GRID2: variants seen among roughly 807,000 people sequenced by gnomAD.
GRID2 encodes the protein glutamate ionotropic receptor delta type subunit 2.
GRID2 carries 33 observed loss-of-function variants against 114.8 expected under a neutral mutation model. The observed-to-expected ratio is 0.29, with a 90% CI of 0.22 to 0.38. The LOEUF (loss-of-function observed/expected upper bound fraction) is 0.38. Among genes scored for constraint, GRID2 ranks in the 10% least tolerant of loss-of-function variants. GRID2 has a pLI of 1.00. For synonymous variants in GRID2, 505 were observed against 449.9 expected, an observed-to-expected ratio of 1.12 and a Z score of -1.55; for missense variants, 1,184 against 1,257.7, an observed-to-expected ratio of 0.94 and a Z score of 0.89.
intron 2 of GRID2, among the ~76,000 whole-genome samples, chr4:92,700,993 C>CA (rs781142253): frequency 0.025 from 2,129 of 83,618 alleles, 36 homozygotes; most frequent in African/African-American, 0.048. Flanking sequence ...GACTCCATCT[C>CA]AAAAAAAAAA....
chr4:93,242,310 G>A (rs951724882), intron 8 of GRID2, among the ~76,000 whole-genome samples: 5 of 87,736 alleles, frequency 5.7e-5, no homozygotes, highest in African/African-American at 2.3e-4. Context: ...TTGAAGAAAT[G>A]CCAGGGAGGG....
At chr4:92,580,847 A>G (rs575177736) in intron 1 of GRID2, among the ~76,000 whole-genome samples, 83 of 151,896 alleles carry the variant, frequency 5.5e-4, no homozygotes, top group African/African-American at 1.9e-3. Flanking sequence ...TTTCTCCATG[A>G]ACATACTTTT....
intron 2 of GRID2, among the ~76,000 whole-genome samples, chr4:92,733,155 G>A (rs1432229315): frequency 6.6e-6 from 1 of 152,030 alleles, no homozygotes; most frequent in African/African-American, 2.4e-5. Flanking sequence ...GGTGTAAAGA[G>A]ACAAGAGAAA....
chr4:92,916,898 A>C (rs553198978), intron 2 of GRID2, among the ~76,000 whole-genome samples: 1 of 152,118 alleles, frequency 6.6e-6, no homozygotes, highest in Non-Finnish European at 1.5e-5. Context: ...GGCTGGGTCA[A>C]ATGGTAATTC....
At chr4:93,567,052 C>A (rs529919762) in intron 13 of GRID2, among the ~76,000 whole-genome samples, 1 of 152,230 alleles carries the variant, frequency 6.6e-6, no homozygotes, top group African/African-American at 2.4e-5. Context: ...GCCCCCTTCT[C>A]CACCTTCCCT....
intron 8 of GRID2, among the ~76,000 whole-genome samples, chr4:93,344,172 T>C (rs1271783201): frequency 6.6e-6 from 1 of 152,054 alleles, no homozygotes; most frequent in Non-Finnish European, 1.5e-5. Context: ...TTCACCCTGA[T>C]AGCCCTTACA....
At chr4:92,873,234 A>G (rs1189183354) in intron 2 of GRID2, among the ~76,000 whole-genome samples, 1 of 152,132 alleles carries the variant, frequency 6.6e-6, no homozygotes, top group Non-Finnish European at 1.5e-5. Flanking sequence ...AAGCTCTTCA[A>G]TTCTATTATG....
At chr4:93,104,931 A>C (rs567506396) in intron 3 of GRID2, among the ~76,000 whole-genome samples, 11 of 152,084 alleles carry the variant, frequency 7.2e-5, no homozygotes, top group East Asian at 3.9e-4. Context: ...CCAACAGTGT[A>C]AAAGTGTTCC....
intron 1 of GRID2, among the ~76,000 whole-genome samples, chr4:92,465,470 A>G (rs1418656577): frequency 5.9e-5 from 9 of 152,048 alleles, no homozygotes; most frequent in Admixed American, 5.9e-4. Context: ...ATATTATGGA[A>G]CTCATTACAA....
intron 4 of GRID2, among the ~76,000 whole-genome samples, chr4:93,167,589 A>G (rs1738376262): frequency 6.6e-6 from 1 of 152,164 alleles, no homozygotes; most frequent in African/African-American, 2.4e-5. Context: ...AAGAAAGGAA[A>G]TAAAAGAGTA....
At chr4:92,354,506 T>C (rs1728223507) in intron 1 of GRID2, among the ~76,000 whole-genome samples, 1 of 152,026 alleles carries the variant, frequency 6.6e-6, no homozygotes, top group African/African-American at 2.4e-5. Context: ...GAATTTCTGG[T>C]ATTCTTTCAT....
chr4:93,166,790 C>G (rs1448842475), intron 4 of GRID2, among the ~76,000 whole-genome samples: 1 of 152,054 alleles, frequency 6.6e-6, no homozygotes, highest in African/African-American at 2.4e-5. Flanking sequence ...TCTTGTCTGT[C>G]TCCTTGAAAT....
At chr4:92,597,997 C>G (rs1380741785) in intron 2 of GRID2, among the ~76,000 whole-genome samples, 1 of 152,106 alleles carries the variant, frequency 6.6e-6, no homozygotes, top group Admixed American at 6.6e-5. Context: ...GAAGAAATAG[C>G]AAGCTGACAT....
chr4:93,381,064 G>A (rs751894678), intron 8 of GRID2, among the ~76,000 whole-genome samples: 12 of 151,902 alleles, frequency 7.9e-5, no homozygotes, highest in Non-Finnish European at 1.6e-4. Context: ...AAATTTTATT[G>A]TGGTAAAATA....
intron 11 of GRID2, among the ~76,000 whole-genome samples, chr4:93,472,249 GA>G (rs1724913741): frequency 6.6e-6 from 1 of 151,842 alleles, no homozygotes; most frequent in African/African-American, 2.4e-5. Context: ...ATTGAACCCA[GA>G]AGGCGGAGGT....
At chr4:92,794,112 A>G (rs1480620583) in intron 2 of GRID2, among the ~76,000 whole-genome samples, 1 of 151,850 alleles carries the variant, frequency 6.6e-6, no homozygotes, top group African/African-American at 2.4e-5. Context: ...ATAAGTGTAA[A>G]TCTTTTCTTT....
At chr4:93,261,793 T>G (rs531190080) in intron 8 of GRID2, among the ~76,000 whole-genome samples, 7 of 151,796 alleles carry the variant, frequency 4.6e-5, no homozygotes, top group Non-Finnish European at 8.8e-5. Flanking sequence ...TGGCAAACTT[T>G]TTCTGTAAAT....
chr4:92,513,225 TACA>T (rs954726294), intron 1 of GRID2, among the ~76,000 whole-genome samples: 3 of 151,848 alleles, frequency 2.0e-5, no homozygotes, highest in African/African-American at 7.2e-5. Context: ...AGTTAGACAT[TACA>T]ACATTATTAT....
At chr4:93,506,529 G>A (rs2149480449) in intron 12 of GRID2, among the ~76,000 whole-genome samples, 1 of 152,282 alleles carries the variant, frequency 6.6e-6, no homozygotes, top group East Asian at 1.9e-4. Flanking sequence ...TTTATCTAAT[G>A]TATTCTGTTG....
Sources: allele counts gnomAD v4.1 joint callset (sites outside exome capture counted in the v4.1 genomes callset), GRCh38; gene constraint gnomAD v4.1.1; transcripts MANE v1.5; gene names NCBI Gene and HGNC (gene_info 2026-07-23, HGNC 2026-07-21).